The following RIMS1 variants were observed in gnomAD, a reference collection of about 807,000 sequenced individuals.
RIMS1 encodes the protein regulating synaptic membrane exocytosis protein 1.
RIMS1 carries 83 observed loss-of-function variants against 214.1 expected under a neutral mutation model. The observed-to-expected ratio is 0.39, with a 90% CI of 0.32 to 0.47. RIMS1 has a LOEUF of 0.47. Among genes scored for constraint, RIMS1 ranks in the 20% least tolerant of loss-of-function variants. RIMS1 has a pLI of 0.99. For missense variants in RIMS1, 2,050 were observed against 2,161.8 expected (o/e 0.95, Z 1.03); for synonymous variants, 793 against 786.8 (o/e 1.01, Z -0.13).
intron 1 of RIMS1, among the ~76,000 whole-genome samples, chr6:71,966,753 C>T (rs893697933): frequency 6.6e-6 from 1 of 152,116 alleles, no homozygotes; most frequent in African/African-American, 2.4e-5. Flanking sequence ...AAACTCTTGA[C>T]CTCAACTGAT....
At position 72,261,954 on chromosome 6, in the gene RIMS1, T is replaced by C; in HGVS notation, c.3116+1187T>C. 4 of 984,648 alleles carry C rather than the reference T, an allele frequency of 4.1e-6. 1 individual carries two copies. The highest frequency in any genetic ancestry group is 1.0e-3 in the Middle Eastern group (2 of 1,912). The allele number at this position is 984,648 out of a possible 1,614,324, so 61.0% of individuals were successfully genotyped here. A position where few individuals can be genotyped will look rare whatever the true frequency, so the allele number is the denominator to read the frequency against. ...ACTATCCAGGTTTATTATTACTTGT[T>C]CTTGACAAACAGTTTCTTAAAATAA... is the stretch of plus-strand genomic sequence containing the variant. On this transcript the variant is annotated intron_variant, in intron 19 of 33. Coordinates refer to ENST00000521978, the MANE Select transcript of RIMS1 (RefSeq NM_014989.7).
At chr6:72,072,665 G>A (rs1261560001) in intron 2 of RIMS1, among the ~76,000 whole-genome samples, 1 of 152,120 alleles carries the variant, frequency 6.6e-6, no homozygotes, top group Non-Finnish European at 1.5e-5. Flanking sequence ...GGTGTGAAGG[G>A]GGTTACAAAG....
intron 6 of RIMS1, among the ~76,000 whole-genome samples, chr6:72,231,825 T>C (rs1049113644): frequency 1.3e-5 from 2 of 151,648 alleles, no homozygotes; most frequent in African/African-American, 2.4e-5. Flanking sequence ...TTCACGAATA[T>C]ATGTATCTCA....
chr6:72,284,906 A>T (rs1330078487), intron 24 of RIMS1, among the ~76,000 whole-genome samples: 1 of 152,234 alleles, frequency 6.6e-6, no homozygotes, highest in Non-Finnish European at 1.5e-5. Context: ...GAAATGCTTC[A>T]TAAACAGATG....
intron 1 of RIMS1, among the ~76,000 whole-genome samples, chr6:71,920,351 T>C (rs551879138): frequency 6.6e-6 from 1 of 152,346 alleles, no homozygotes; most frequent in Non-Finnish European, 1.5e-5. Flanking sequence ...GATTTCATAG[T>C]ACAATATGTC....
chr6:72,012,728 G>T (rs1460973485), intron 2 of RIMS1, among the ~76,000 whole-genome samples: 1 of 152,172 alleles, frequency 6.6e-6, no homozygotes, highest in Non-Finnish European at 1.5e-5. Flanking sequence ...CATTGGTAAA[G>T]AATCTAGATT....
intron 1 of RIMS1, among the ~76,000 whole-genome samples, chr6:71,956,133 T>A (rs1021050067): frequency 1.2e-4 from 18 of 152,060 alleles, no homozygotes; most frequent in African/African-American, 1.9e-4. Flanking sequence ...ACAGTAGAAA[T>A]GTTTAATCTG....
At chr6:72,061,505 C>A (rs1256114188) in intron 2 of RIMS1, among the ~76,000 whole-genome samples, 3 of 152,244 alleles carry the variant, frequency 2.0e-5, no homozygotes, top group Non-Finnish European at 4.4e-5. Context: ...GACTGGTCCG[C>A]TTTGCACTCA....
Position 72,245,819 on chromosome 6 carries a change from A to C in RIMS1, c.2086A>C (p.Ile696Leu), listed in dbSNP as rs201709343. 2 of 1,609,286 alleles carry C rather than the reference A, an allele frequency of 1.2e-6. No homozygotes were observed. Among genetic ancestry groups the C allele is most frequent in the African/African-American group, 2.7e-5 (2 of 74,796 alleles). ...ACCATATCCTGTTTCTTTTAGTGAC[A>C]TTCCCCGGATTCCTGAGAGCTCCCA... ...EIIVSRPIGD[I>L]PRIPESSHPP... The change falls in exon 11 of 34, where the codon ATT becomes CTT. Residue 696 changes from isoleucine to leucine, a missense_variant. Transcript: ENST00000521978.
intron 4 of RIMS1, among the ~76,000 whole-genome samples, chr6:72,168,217 G>A (rs2046539379): frequency 6.6e-6 from 1 of 152,206 alleles, no homozygotes; most frequent in Non-Finnish European, 1.5e-5. Flanking sequence ...TGGGTGTGCA[G>A]CAACCTCAAT....
chr6:72,031,151 A>G (rs1817999935), intron 2 of RIMS1, among the ~76,000 whole-genome samples: 1 of 152,156 alleles, frequency 6.6e-6, no homozygotes, highest in South Asian at 2.1e-4. Flanking sequence ...CATGTGACCA[A>G]AGATTACACA....
intron 2 of RIMS1, among the ~76,000 whole-genome samples, chr6:72,023,799 A>G (rs990188878): frequency 9.2e-5 from 14 of 152,142 alleles, no homozygotes; most frequent in Admixed American, 3.9e-4. Flanking sequence ...TACTTCATAG[A>G]GATATTTACT....
chr6:72,008,127 G>C (rs1027365032), intron 2 of RIMS1, among the ~76,000 whole-genome samples: 2 of 152,166 alleles, frequency 1.3e-5, no homozygotes, highest in South Asian at 4.1e-4. Context: ...CTGATCTCTC[G>C]GCAGAAACTC....
At chr6:72,393,834 G>A (rs2098740227) in intron 31 of RIMS1, among the ~76,000 whole-genome samples, 1 of 152,060 alleles carries the variant, frequency 6.6e-6, no homozygotes, top group Non-Finnish European at 1.5e-5. Context: ...AGAATTCGGA[G>A]GAACAAGAGA....
At chr6:72,244,235 A>T (rs1200149697) in intron 10 of RIMS1, among the ~76,000 whole-genome samples, 2 of 151,814 alleles carry the variant, frequency 1.3e-5, no homozygotes, top group East Asian at 3.8e-4. Flanking sequence ...CTTGACCTTT[A>T]TGCTTTTAAT....
chr6:72,233,949 T>A, intron 7 of RIMS1, 109 bp downstream of exon 7: 2 of 702,150 alleles, frequency 2.8e-6, no homozygotes, highest in Non-Finnish European at 4.9e-6. Context: ...TAAGGGCAAA[T>A]ATTGATTTCA....
intron 8 of RIMS1, 53 bp downstream of exon 8, chr6:72,235,781 G>T (rs2063766273): frequency 2.1e-6 from 2 of 960,754 alleles, no homozygotes; most frequent in Non-Finnish European, 3.0e-6. Flanking sequence ...AGTATGGTCT[G>T]CATTCATCGG....
intron 2 of RIMS1, among the ~76,000 whole-genome samples, chr6:72,067,026 C>G (rs1483258420): frequency 6.6e-6 from 1 of 152,144 alleles, no homozygotes; most frequent in African/African-American, 2.4e-5. Flanking sequence ...CCACTTCATA[C>G]TACAGATATG....
At chr6:72,227,838 T>G (rs929593121) in intron 6 of RIMS1, among the ~76,000 whole-genome samples, 8 of 151,966 alleles carry the variant, frequency 5.3e-5, no homozygotes, top group African/African-American at 1.9e-4. Flanking sequence ...ATCAACTTAA[T>G]AATACTTCAG....
Sources: gnomAD v4.1 joint callset for allele counts (sites outside exome capture counted in the v4.1 genomes callset) on GRCh38, gnomAD v4.1.1 for gene constraint, MANE v1.5 for transcripts, NCBI Gene and HGNC (gene_info 2026-07-23, HGNC 2026-07-21) for gene names.